Variants in COL11A1 observed in about 807,000 individuals in gnomAD.
COL11A1 encodes the protein collagen type XI alpha 1 chain.
A neutral mutation model predicts 265.2 loss-of-function variants in COL11A1; 74 were observed. The ratio of observed to expected loss-of-function variants is 0.28; its 90% CI spans 0.23 to 0.34. The LOEUF (loss-of-function observed/expected upper bound fraction) is 0.34. Among genes scored for constraint, COL11A1 ranks in the 10% least tolerant of loss-of-function variants. COL11A1 has a pLI of 1.00. For synonymous variants in COL11A1, 816 were observed against 727.6 expected, an observed-to-expected ratio of 1.12 and a Z score of -1.96; for missense variants, 2,165 against 2,263.6, an observed-to-expected ratio of 0.96 and a Z score of 0.88.
intron 1 of COL11A1, among the ~76,000 whole-genome samples, chr1:103,092,293 G>A (rs533948449): frequency 2.1e-3 from 324 of 152,190 alleles, no homozygotes; most frequent in Middle Eastern, 6.8e-3. Context: ...GTGACAATTT[G>A]AGAAACCTTC....
intron 4 of COL11A1, among the ~76,000 whole-genome samples, chr1:103,067,753 TA>T: frequency 6.6e-6 from 1 of 151,624 alleles, no homozygotes; most frequent in Admixed American, 6.6e-5. Flanking sequence ...ATATAAAGAA[TA>T]AAAAGTAGTT....
At chr1:102,941,172 T>C (rs1658680437) in intron 42 of COL11A1, among the ~76,000 whole-genome samples, 1 of 152,066 alleles carries the variant, frequency 6.6e-6, no homozygotes, top group Admixed American at 6.6e-5. Context: ...TTCCCTCACT[T>C]CCCTTAACAT....
intron 10 of COL11A1, 75 bp from the exon 11 acceptor site, chr1:103,017,957 T>A (rs1666699047): frequency 8.4e-7 from 1 of 1,183,844 alleles, no homozygotes; most frequent in Non-Finnish European, 1.3e-6. Flanking sequence ...TCTAGTCCTA[T>A]CGAAGAGTTC....
At chr1:103,087,080 G>A (rs1672933395) in intron 1 of COL11A1, among the ~76,000 whole-genome samples, 1 of 152,124 alleles carries the variant, frequency 6.6e-6, no homozygotes, top group African/African-American at 2.4e-5. Context: ...ATTAAAAGAA[G>A]TAATTTTATG....
At chr1:102,915,327 G>C (rs1470106508) in intron 50 of COL11A1, among the ~76,000 whole-genome samples, 2 of 109,426 alleles carry the variant, frequency 1.8e-5, no homozygotes, top group Non-Finnish European at 4.6e-5. Context: ...ATTTAAGGCA[G>C]CAGGACTTCT....
chr1:103,030,032 A>G (rs1667846729), intron 5 of COL11A1, among the ~76,000 whole-genome samples: 1 of 152,082 alleles, frequency 6.6e-6, no homozygotes, highest in South Asian at 2.1e-4. Flanking sequence ...AAGTCAGCAC[A>G]TAACCTCTTA....
chr1:102,939,442 C>T (rs1658491149), intron 43 of COL11A1, among the ~76,000 whole-genome samples: 1 of 152,152 alleles, frequency 6.6e-6, no homozygotes, highest in Non-Finnish European at 1.5e-5. Context: ...CTGGGTCGCG[C>T]ACCTGTAATC....
chr1:103,063,042 T>A (rs1184900166), intron 4 of COL11A1, among the ~76,000 whole-genome samples: 1 of 151,888 alleles, frequency 6.6e-6, no homozygotes, highest in Non-Finnish European at 1.5e-5. Flanking sequence ...TGAAGAAAAC[T>A]ACAAAACTCT....
chr1:103,090,219 G>A (rs972681678), intron 1 of COL11A1, among the ~76,000 whole-genome samples: 1 of 151,990 alleles, frequency 6.6e-6, no homozygotes, highest in Non-Finnish European at 1.5e-5. Context: ...AACTTCTTGA[G>A]AGTCACTTAT....
rs138798116 is a variant in COL11A1, at chr1:102,949,529, A to G, written c.3169-2573T>C. On this transcript the variant is annotated intron_variant, in intron 41 of 66. Coordinates refer to ENST00000370096, the MANE Select transcript of COL11A1 (RefSeq NM_001854.4). Reference sequence around the variant, plus strand: ...TACTAGACTAGAATGAAAAAGGGAGAATCAACAAAAGTTTGAAGTCCATTT... The same window carrying G: ...TACTAGACTAGAATGAAAAAGGGAGGATCAACAAAAGTTTGAAGTCCATTT... Among the ~76,000 whole-genome samples the G allele has an allele frequency of 2.8e-4, 42 of 152,326 alleles. 1 individual carries two copies. The highest frequency in any genetic ancestry group is 9.9e-4 in the African/African-American group (41 of 41,578).
intron 37 of COL11A1, among the ~76,000 whole-genome samples, chr1:102,969,646 C>A (rs1661763384): frequency 6.6e-6 from 1 of 152,120 alleles, no homozygotes; most frequent in Admixed American, 6.5e-5. Context: ...AATTTGTTTA[C>A]TGTTATATTC....
chr1:103,078,389 C>A (rs2102301015), intron 3 of COL11A1, among the ~76,000 whole-genome samples: 2 of 152,184 alleles, frequency 1.3e-5, no homozygotes, highest in South Asian at 4.2e-4. Context: ...AACTACCCAC[C>A]CCACTGCCAC....
At chr1:102,993,876 G>T (rs1269299991) in intron 28 of COL11A1, among the ~76,000 whole-genome samples, 2 of 151,968 alleles carry the variant, frequency 1.3e-5, no homozygotes, top group Non-Finnish European at 2.9e-5. Context: ...TGTTTTTCTA[G>T]TATCTTTGAT....
intron 54 of COL11A1, among the ~76,000 whole-genome samples, chr1:102,903,490 A>C (rs972829787): frequency 6.6e-6 from 1 of 152,208 alleles, no homozygotes; most frequent in Non-Finnish European, 1.5e-5. Context: ...TGGGAAAGTA[A>C]GGATCTGAGA....
intron 5 of COL11A1, among the ~76,000 whole-genome samples, chr1:103,027,240 C>G (rs1303210508): frequency 6.7e-6 from 1 of 150,150 alleles, no homozygotes; most frequent in East Asian, 1.9e-4. Context: ...ATAGTGTGCT[C>G]AAATCCAAAG....
At position 103,108,184 on chromosome 1, in the gene COL11A1, A is replaced by G; in HGVS notation, c.-6T>C. The G allele has an allele frequency of 6.2e-7, 1 of 1,612,882 alleles. No homozygotes were observed. The highest frequency in any genetic ancestry group is 8.5e-7 in the Non-Finnish European group (1 of 1,179,286). On this transcript the variant is annotated 5_prime_UTR_variant, in exon 1 of 67. Transcript: ENST00000370096. ...CTAGAGGACCACGGCTCCATCTCCG[A>G]GCCCCGCACTCACAACTGTGAACTC...
chr1:103,048,094 G>T lies in COL11A1; in HGVS notation c.652-16850C>A, dbSNP rs577077550. 7.6e-4 allele frequency among the ~76,000 whole-genome samples: 116 copies of T among 152,258 alleles called. 5 individuals are homozygous for T. Among genetic ancestry groups the T allele is most frequent in the Non-Finnish European group, 1.6e-4 (11 of 68,022 alleles). ...TTGATTGTGTCTCTGCCAGGCTTTG[G>T]TATCAGGATGATGCTGGCCTCATAA... On this transcript the variant is annotated intron_variant, in intron 4 of 66. Coordinates refer to ENST00000370096, the MANE Select transcript of COL11A1 (RefSeq NM_001854.4).
At chr1:103,018,048 C>A (rs1253338200) in intron 10 of COL11A1, among the ~76,000 whole-genome samples, 166 bp from the exon 11 acceptor site, 1 of 151,874 alleles carries the variant, frequency 6.6e-6, no homozygotes, top group Non-Finnish European at 1.5e-5. Context: ...ATATAGAAAC[C>A]AATTTGTAGC....
At chr1:103,100,859 A>G (rs1674206571) in intron 1 of COL11A1, among the ~76,000 whole-genome samples, 1 of 151,910 alleles carries the variant, frequency 6.6e-6, no homozygotes, top group Non-Finnish European at 1.5e-5. Flanking sequence ...TTTTTCAGTT[A>G]TCTCATGGGT....
Sources: allele counts gnomAD v4.1 joint callset (sites outside exome capture counted in the v4.1 genomes callset), GRCh38; gene constraint gnomAD v4.1.1; transcripts MANE v1.5; gene names NCBI Gene and HGNC (gene_info 2026-07-23, HGNC 2026-07-21).